Variants in MAPKAPK3 observed in about 807,000 individuals in gnomAD.
MAPKAPK3 encodes MAP kinase-activated protein kinase 3.
In MAPKAPK3, 35 loss-of-function variants were observed where a neutral mutation model predicts 49.2. That is an observed-to-expected ratio of 0.71 (90% confidence interval 0.54 to 0.94). MAPKAPK3 has a LOEUF of 0.94. Among genes scored for constraint, MAPKAPK3 ranks in the 40% least tolerant of loss-of-function variants. MAPKAPK3 has a pLI of 0.00. For missense variants in MAPKAPK3, 398 were observed against 493.1 expected (o/e 0.81, Z 1.83); for synonymous variants, 178 against 188.7 (o/e 0.94, Z 0.46).
rs777785271 is a variant in MAPKAPK3 at position 50,646,865 on chromosome 3, C to T, written c.915+40C>T. On this transcript the variant is annotated intron_variant, in intron 9 of 10. Transcript: ENST00000621469. Reference sequence around the variant, plus strand: ...CTCCCATGGCAGGCAGGGTGTCCAACAGGAGTGGGGCTGCCGGGCAGGAGG... The same window carrying T: ...CTCCCATGGCAGGCAGGGTGTCCAATAGGAGTGGGGCTGCCGGGCAGGAGG... 2.5e-6 allele frequency: 4 copies of T among 1,596,482 alleles called. No individual in the cohort carries two copies. In the South Asian group the frequency reaches 4.4e-5, roughly 18 times the overall value.
At chr3:50,626,080 A>C (rs74415852) in intron 2 of MAPKAPK3, among the ~76,000 whole-genome samples, 8 of 151,134 alleles carry the variant, frequency 5.3e-5, no homozygotes, top group South Asian at 2.1e-4. Flanking sequence ...GTCCCCCGCC[A>C]CCCCCCCATG....
intron 2 of MAPKAPK3, among the ~76,000 whole-genome samples, chr3:50,623,095 A>G (rs190624506): frequency 6.6e-6 from 1 of 152,174 alleles, no homozygotes; most frequent in Non-Finnish European, 1.5e-5. Context: ...CCCCTCACCT[A>G]CCATCTCCAG....
At chr3:50,643,131 C>T (rs1227536395) in intron 5 of MAPKAPK3, among the ~76,000 whole-genome samples, 1 of 152,226 alleles carries the variant, frequency 6.6e-6, no homozygotes, top group African/African-American at 2.4e-5. Context: ...GGATTACAGG[C>T]GTGAGCCATT....
intron 2 of MAPKAPK3, among the ~76,000 whole-genome samples, chr3:50,628,860 G>A (rs1363698420): frequency 6.6e-6 from 1 of 152,216 alleles, no homozygotes; most frequent in Non-Finnish European, 1.5e-5. Flanking sequence ...GCTTGGGAAG[G>A]TGAAAGGACT....
intron 2 of MAPKAPK3, 133 bp downstream of exon 2, chr3:50,617,917 A>G: frequency 1.4e-6 from 1 of 693,602 alleles, no homozygotes; most frequent in Non-Finnish European, 2.5e-6. Context: ...ACTGTCCTGT[A>G]AGGTCAGGCT....
At chr3:50,647,754 G>A in intron 10 of MAPKAPK3, 140 bp from the exon 11 acceptor site, 2 of 766,300 alleles carry the variant, frequency 2.6e-6, no homozygotes. Flanking sequence ...AAAGGGCTTG[G>A]CCCAGTGCTG....
At chr3:50,617,957 A>C (rs1299871771) in intron 2 of MAPKAPK3, among the ~76,000 whole-genome samples, 173 bp downstream of exon 2, 32 of 152,180 alleles carry the variant, frequency 2.1e-4, no homozygotes, top group Non-Finnish European at 5.9e-5. Flanking sequence ...CAGATGGGGA[A>C]ACTGAGGCGT....
At chr3:50,644,313 T>G (rs1325352687) in intron 5 of MAPKAPK3, 96 bp from the exon 6 acceptor site, 120 of 1,453,550 alleles carry the variant, frequency 8.3e-5, no homozygotes, top group Non-Finnish European at 1.1e-4. Flanking sequence ...CCTTCTGCAC[T>G]GGGATGGAGT....
chr3:50,637,378 G>T (rs1385973514), intron 2 of MAPKAPK3, among the ~76,000 whole-genome samples: 1 of 152,130 alleles, frequency 6.6e-6, no homozygotes, highest in African/African-American at 2.4e-5. Context: ...GGGCGTGGTG[G>T]CTCACACCTG....
chr3:50,626,044 C>A (rs1181026404), intron 2 of MAPKAPK3, among the ~76,000 whole-genome samples: 1 of 150,754 alleles, frequency 6.6e-6, no homozygotes, highest in Non-Finnish European at 1.5e-5. Context: ...CTCAGGAGTT[C>A]TTGGGCTGAG....
chr3:50,645,678 C>A (rs1294872453), intron 6 of MAPKAPK3, 32 bp from the exon 7 acceptor site: 1 of 1,595,304 alleles, frequency 6.3e-7, no homozygotes, highest in Admixed American at 1.7e-5. Flanking sequence ...ACCCTTGGGT[C>A]TGAGAGCCCT....
At chr3:50,639,394 G>A (rs2033120043) in intron 2 of MAPKAPK3, among the ~76,000 whole-genome samples, 1 of 152,150 alleles carries the variant, frequency 6.6e-6, no homozygotes, top group South Asian at 2.1e-4. Context: ...TGAGGGTGGA[G>A]GCTGGGCAGC....
chr3:50,617,838 C>G (rs1015401593), intron 2 of MAPKAPK3, 54 bp downstream of exon 2: 3 of 1,422,406 alleles, frequency 2.1e-6, no homozygotes, highest in Admixed American at 3.5e-5. Flanking sequence ...ACAGCGGAAG[C>G]CTGTGAGTGA....
intron 2 of MAPKAPK3, among the ~76,000 whole-genome samples, chr3:50,623,639 T>TA (rs1209777362): frequency 6.6e-6 from 1 of 152,246 alleles, no homozygotes; most frequent in Middle Eastern, 3.2e-3. Context: ...TGAGTTGTCT[T>TA]ACCTAACTCT....
chr3:50,624,742 C>T (rs1026839998), intron 2 of MAPKAPK3, among the ~76,000 whole-genome samples: 10 of 152,126 alleles, frequency 6.6e-5, no homozygotes, highest in Non-Finnish European at 1.3e-4. Flanking sequence ...TCTGTAAGCC[C>T]GCAACCTCCC....
chr3:50,626,783 C>T (rs1347881368), intron 2 of MAPKAPK3, among the ~76,000 whole-genome samples: 1 of 152,164 alleles, frequency 6.6e-6, no homozygotes, highest in Non-Finnish European at 1.5e-5. Context: ...GTAACTCACC[C>T]AGGGTCACGT....
At chr3:50,629,689 C>T (rs536880026) in intron 2 of MAPKAPK3, among the ~76,000 whole-genome samples, 8 of 152,312 alleles carry the variant, frequency 5.3e-5, no homozygotes, top group South Asian at 4.1e-4. Context: ...CTAGCACTCA[C>T]GTTCCCACTG....
chr3:50,621,087 C>G (rs1014908546), intron 2 of MAPKAPK3, among the ~76,000 whole-genome samples: 1 of 152,180 alleles, frequency 6.6e-6, no homozygotes, highest in African/African-American at 2.4e-5. Context: ...TTCTCCCCTC[C>G]TGACATCCTG....
chr3:50,617,385 G>C, intron 1 of MAPKAPK3, 129 bp from the exon 2 acceptor site: 1 of 567,030 alleles, frequency 1.8e-6, no homozygotes. Context: ...CTGCACGTCT[G>C]TACTCTCAGG....
Sources: allele counts gnomAD v4.1 joint callset (sites outside exome capture counted in the v4.1 genomes callset), GRCh38; gene constraint gnomAD v4.1.1; transcripts MANE v1.5; gene names NCBI Gene and HGNC (gene_info 2026-07-23, HGNC 2026-07-21).